The following CSMD2 variants were observed in gnomAD, a reference collection of about 807,000 sequenced individuals.
The protein encoded by CSMD2 is CUB and sushi domain-containing protein 2.
Under a neutral mutation model 398.5 loss-of-function variants are expected in CSMD2, and 130 were observed. That is an observed-to-expected ratio of 0.33 (90% CI 0.28 to 0.38). The LOEUF is 0.38. CSMD2 is among the 10% of genes least tolerant of loss of function. CSMD2 has a pLI of 1.00. For missense variants in CSMD2, 3,829 were observed against 4,764.9 expected (o/e 0.80, Z 5.78); for synonymous variants, 1,828 against 1,908.5 (o/e 0.96, Z 1.10).
chr1:33,977,263 G>C (rs1395250940), intron 3 of CSMD2, among the ~76,000 whole-genome samples: 1 of 152,022 alleles, frequency 6.6e-6, no homozygotes, highest in Non-Finnish European at 1.5e-5. Context: ...AGTGAATGTT[G>C]GTGGTGAGGG....
At chr1:33,705,931 AT>A (rs200139711) in intron 22 of CSMD2, among the ~76,000 whole-genome samples, 1 of 143,638 alleles carries the variant, frequency 7.0e-6, no homozygotes, top group Admixed American at 6.9e-5. Flanking sequence ...CTACTTTATT[AT>A]TTAAAAAAAA....
intron 19 of CSMD2, among the ~76,000 whole-genome samples, chr1:33,717,412 AG>A (rs1386963440): frequency 1.3e-5 from 2 of 151,956 alleles, no homozygotes; most frequent in African/African-American, 4.8e-5. Flanking sequence ...ATGAGCCTTC[AG>A]GGGTCAGGGT....
In CSMD2 at chr1:33,662,916, T is replaced by G; in HGVS notation, c.4229A>C (p.Lys1410Thr). ...TGAAAATTGAATGGCAAAGCCCTGC[T>G]TGCTGGTGAAGAAGTCAGTGCTGAA... Reference protein sequence around the residue: ...LQFSTDFFTSKQGFAIQFSVS... With the variant: ...LQFSTDFFTSTQGFAIQFSVS... Residue 1410 changes from lysine to threonine, a missense_variant, in exon 26 of 71, where the codon AAG becomes ACG. Physicochemically the swap from Lys to Thr is moderately conservative, Grantham distance 78. This residue lies in a region of CSMD2 where 2,001 missense variants were observed against 2,567.1 expected (regional missense o/e 0.78). Transcript: ENST00000373381. The G allele has an allele frequency of 6.2e-7, 1 of 1,614,196 alleles. No homozygotes were observed. Among genetic ancestry groups the G allele is most frequent in the Non-Finnish European group, 8.5e-7 (1 of 1,180,020 alleles).
chr1:34,013,804 T>G (rs1647705541), intron 3 of CSMD2, among the ~76,000 whole-genome samples: 1 of 152,134 alleles, frequency 6.6e-6, no homozygotes, highest in African/African-American at 2.4e-5. Flanking sequence ...TCATCTCATC[T>G]GACCTCATGG....
intron 22 of CSMD2, among the ~76,000 whole-genome samples, chr1:33,706,772 G>C (rs1023695513): frequency 1.3e-5 from 2 of 152,080 alleles, no homozygotes; most frequent in African/African-American, 4.8e-5. Context: ...AAGAGTGTGT[G>C]TGTGTGTGCA....
chr1:33,780,163 C>T (rs1034508721), intron 12 of CSMD2, among the ~76,000 whole-genome samples: 3 of 152,158 alleles, frequency 2.0e-5, no homozygotes, highest in African/African-American at 7.2e-5. Context: ...CTCTTTGTAT[C>T]TCCAGAACCA....
chr1:33,815,426 T>A (rs1267202385), intron 9 of CSMD2: 1 of 152,174 alleles, frequency 6.6e-6, no homozygotes. Context: ...CATGGGAGCT[T>A]TTTGCACATT....
At position 33,583,828 on chromosome 1, in the gene CSMD2, G is replaced by A; in HGVS notation, c.7054C>T (p.His2352Tyr). Residue 2352 changes from histidine to tyrosine, a missense_variant and splice_region_variant, in exon 47 of 71, where the codon CAC (histidine) becomes TAC (tyrosine). Coordinates refer to ENST00000373381, the MANE Select transcript of CSMD2 (RefSeq NM_001281956.2). ...FEGPPPICEV[H>Y]CPTNELLTDS... Reference sequence around the variant, plus strand: ...GTCAGAAGCTCATTTGTTGGACAGTGCACTTGGAGAAAGAAAGAGAAACAC... The same window carrying A: ...GTCAGAAGCTCATTTGTTGGACAGTACACTTGGAGAAAGAAAGAGAAACAC... The A allele has an allele frequency of 1.9e-6, 3 of 1,612,316 alleles. No individual in the cohort carries two copies. The highest frequency in any genetic ancestry group is 1.3e-5 in the African/African-American group (1 of 74,966).
intron 2 of CSMD2, among the ~76,000 whole-genome samples, chr1:34,078,435 G>C (rs1408516461): frequency 6.6e-6 from 1 of 152,088 alleles, no homozygotes; most frequent in Non-Finnish European, 1.5e-5. Context: ...TGTCATCACA[G>C]GCACTAGAAC....
chr1:33,938,123 T>A (rs1255639597), intron 3 of CSMD2, among the ~76,000 whole-genome samples: 1 of 152,266 alleles, frequency 6.6e-6, no homozygotes, highest in Non-Finnish European at 1.5e-5. Context: ...TGAGAGTGAA[T>A]CTTAAAGACT....
intron 25 of CSMD2, among the ~76,000 whole-genome samples, chr1:33,689,819 G>A (rs1344560850): frequency 6.6e-6 from 1 of 152,208 alleles, no homozygotes; most frequent in Non-Finnish European, 1.5e-5. Context: ...AAAACAAAAG[G>A]ATGGAAAGAG....
chr1:33,652,194 T>C, intron 28 of CSMD2, 129 bp downstream of exon 28: 1 of 919,460 alleles, frequency 1.1e-6, no homozygotes, highest in Non-Finnish European at 1.7e-6. Context: ...TCTCTCTCTC[T>C]CGGCTTCTTC....
chr1:33,891,492 G>A (rs1473760441), intron 5 of CSMD2, among the ~76,000 whole-genome samples: 3 of 151,722 alleles, frequency 2.0e-5, no homozygotes, highest in Middle Eastern at 3.4e-3. Context: ...TCAGTGTGGC[G>A]ATTCCTCAGG....
intron 39 of CSMD2, among the ~76,000 whole-genome samples, chr1:33,616,223 T>A (rs1641375843): frequency 6.6e-6 from 1 of 152,090 alleles, no homozygotes; most frequent in African/African-American, 2.4e-5. Flanking sequence ...TCAGCATTTC[T>A]TTTCCTTTTT....
chr1:33,970,192 G>GATGAATGA (rs748681707), intron 3 of CSMD2, among the ~76,000 whole-genome samples: 1 of 151,724 alleles, frequency 6.6e-6, no homozygotes, highest in Non-Finnish European at 1.5e-5. Context: ...TGGCTCCTTA[G>GATGAATGA]ATGAATGAAT....
chr1:34,000,979 G>C (rs1646882760), intron 3 of CSMD2, among the ~76,000 whole-genome samples: 1 of 150,900 alleles, frequency 6.6e-6, no homozygotes, highest in South Asian at 2.1e-4. Flanking sequence ...GGAGGAGGAA[G>C]GAGGGGAGAA....
intron 36 of CSMD2, among the ~76,000 whole-genome samples, chr1:33,623,012 G>A (rs894226940): frequency 2.6e-5 from 4 of 152,286 alleles, no homozygotes; most frequent in South Asian, 2.1e-4. Context: ...AAAACATCAC[G>A]TTAAGTGAAA....
chr1:33,904,975 G>A (rs372346549), intron 5 of CSMD2, among the ~76,000 whole-genome samples: 150 of 146,008 alleles, frequency 1.0e-3, no homozygotes, highest in Middle Eastern at 3.5e-3. Flanking sequence ...ATATTTTTCC[G>A]TTTTTTTTTT....
chr1:34,043,578 G>A (rs1057179596), intron 2 of CSMD2, among the ~76,000 whole-genome samples: 4 of 152,142 alleles, frequency 2.6e-5, no homozygotes, highest in African/African-American at 7.2e-5. Flanking sequence ...CTAGTGCACA[G>A]TACATATTAG....
Sources: gnomAD v4.1 joint callset for allele counts (sites outside exome capture counted in the v4.1 genomes callset) on GRCh38, gnomAD v4.1.1 for gene constraint, gnomAD v4.1.1 regional missense constraint, MANE v1.5 for transcripts, NCBI Gene and HGNC (gene_info 2026-07-23, HGNC 2026-07-21) for gene names.